The following CNTN5 variants were observed in gnomAD, a reference collection of about 807,000 sequenced individuals.
The protein encoded by CNTN5 is contactin-5.
Under a neutral mutation model 129.1 loss-of-function variants are expected in CNTN5, and 77 were observed. The observed-to-expected ratio is 0.60, with a 90% confidence interval of 0.50 to 0.72. CNTN5 has a LOEUF of 0.72. CNTN5 is among the 30% of genes least tolerant of loss of function. The pLI, the probability that CNTN5 is intolerant of heterozygous loss-of-function variation, is 0.00. For synonymous variants in CNTN5, 509 were observed against 465.6 expected, an observed-to-expected ratio of 1.09 and a Z score of -1.20; for missense variants, 1,478 against 1,328.8, an observed-to-expected ratio of 1.11 and a Z score of -1.75.
chr11:99,033,336 T>C (rs1863506137), intron 1 of CNTN5, among the ~76,000 whole-genome samples: 1 of 152,188 alleles, frequency 6.6e-6, no homozygotes, highest in African/African-American at 2.4e-5. Flanking sequence ...GGAGTGGCAT[T>C]GAATCTGTAA....
chr11:100,204,295 C>A (rs1357339665), intron 15 of CNTN5, among the ~76,000 whole-genome samples: 1 of 27,708 alleles, frequency 3.6e-5, no homozygotes, highest in Non-Finnish European at 8.3e-5. Flanking sequence ...CAAACATTGA[C>A]TAATATATAT....
chr11:99,450,390 G>A (rs1214987310), intron 2 of CNTN5, among the ~76,000 whole-genome samples: 7 of 151,886 alleles, frequency 4.6e-5, no homozygotes, highest in African/African-American at 1.7e-4. Context: ...GCCCAGTAAT[G>A]TTCTATAAAG....
chr11:99,147,674 A>C (rs58945073), intron 1 of CNTN5, among the ~76,000 whole-genome samples: 6,058 of 152,242 alleles, frequency 0.04, 416 homozygotes, highest in African/African-American at 0.14. Flanking sequence ...TGAGCTGCTG[A>C]TTGTGATTAT....
At chr11:99,950,626 C>G (rs1192962659) in intron 7 of CNTN5, among the ~76,000 whole-genome samples, 1 of 152,140 alleles carries the variant, frequency 6.6e-6, no homozygotes, top group African/African-American at 2.4e-5. Flanking sequence ...GAAATTAAAT[C>G]CAATTGTACG....
chr11:99,965,720 A>C lies in CNTN5; in HGVS notation c.877+8711A>C, dbSNP rs573030776. ...GTTCAATTCCTGGATATCCTTGTTA[A>C]CTTTCTGTCTCGTTGATCTGTCTAA... On this transcript the variant is annotated intron_variant, in intron 8 of 24. Transcript: ENST00000524871. Among the ~76,000 whole-genome samples the C allele has an allele frequency of 1.1e-3, 162 of 151,662 alleles. 1 individual carries two copies. Among genetic ancestry groups the C allele is most frequent in the Non-Finnish European group, 2.0e-3 (139 of 67,902 alleles).
chr11:99,107,788 G>A (rs1004484919), intron 1 of CNTN5, among the ~76,000 whole-genome samples: 6 of 151,596 alleles, frequency 4.0e-5, no homozygotes, highest in South Asian at 2.1e-4. Flanking sequence ...AAAATTAGCC[G>A]GGCATGGTGG....
At chr11:99,179,064 A>G (rs1394632860) in intron 1 of CNTN5, among the ~76,000 whole-genome samples, 1 of 152,220 alleles carries the variant, frequency 6.6e-6, no homozygotes, top group Non-Finnish European at 1.5e-5. Context: ...GTGCCTTTAT[A>G]TATTAAGCAT....
chr11:99,588,120 G>A (rs924441445), intron 3 of CNTN5, among the ~76,000 whole-genome samples: 4 of 152,092 alleles, frequency 2.6e-5, no homozygotes, highest in Admixed American at 1.3e-4. Flanking sequence ...GAGGCGGGCG[G>A]ATCACGATGT....
At chr11:99,746,786 G>A (rs1031587246) in intron 3 of CNTN5, among the ~76,000 whole-genome samples, 1 of 152,302 alleles carries the variant, frequency 6.6e-6, no homozygotes, top group South Asian at 2.1e-4. Flanking sequence ...TGGTCTACAT[G>A]ACTGTTTCTG....
intron 6 of CNTN5, among the ~76,000 whole-genome samples, chr11:99,868,280 A>T (rs540032052): frequency 6.6e-6 from 1 of 152,252 alleles, no homozygotes; most frequent in South Asian, 2.1e-4. Flanking sequence ...AGCATTGTAT[A>T]AGAAAATATG....
chr11:99,428,595 C>A (rs954054887), intron 2 of CNTN5, among the ~76,000 whole-genome samples: 1 of 148,356 alleles, frequency 6.7e-6, no homozygotes, highest in African/African-American at 2.5e-5. Context: ...AAAGATGTTT[C>A]TTTAATATAT....
intron 3 of CNTN5, among the ~76,000 whole-genome samples, chr11:99,600,042 AG>A (rs1175995851): frequency 6.6e-6 from 1 of 152,208 alleles, no homozygotes; most frequent in African/African-American, 2.4e-5. Context: ...AATGAGTTTA[AG>A]GGTACAAACA....
intron 18 of CNTN5, among the ~76,000 whole-genome samples, chr11:100,294,120 G>A (rs977451680): frequency 7.3e-5 from 11 of 151,494 alleles, no homozygotes; most frequent in African/African-American, 2.4e-4. Context: ...CCCAGGTCTC[G>A]AAAAGAGCTG....
At chr11:99,962,942 T>C (rs1166864762) in intron 8 of CNTN5, among the ~76,000 whole-genome samples, 1 of 150,904 alleles carries the variant, frequency 6.6e-6, no homozygotes, top group South Asian at 2.1e-4. Flanking sequence ...GTTTTTTGGC[T>C]GTATAAATGT....
intron 8 of CNTN5, among the ~76,000 whole-genome samples, chr11:99,990,899 A>G (rs1437117598): frequency 1.3e-5 from 2 of 152,186 alleles, no homozygotes; most frequent in African/African-American, 4.8e-5. Flanking sequence ...CTCATTATGT[A>G]TGAGACAACT....
chr11:99,265,683 C>A (rs916042489), intron 1 of CNTN5, among the ~76,000 whole-genome samples: 4 of 151,952 alleles, frequency 2.6e-5, no homozygotes, highest in Admixed American at 6.6e-5. Flanking sequence ...TCCCACCCAA[C>A]TCATATTTAT....
At chr11:99,991,946 TA>T (rs1252879623) in intron 8 of CNTN5, among the ~76,000 whole-genome samples, 1 of 152,204 alleles carries the variant, frequency 6.6e-6, no homozygotes, top group Non-Finnish European at 1.5e-5. Flanking sequence ...AGATAAAACC[TA>T]TTCAGGAATA....
At chr11:99,885,734 TAAAG>T (rs1948885183) in intron 6 of CNTN5, among the ~76,000 whole-genome samples, 1 of 151,920 alleles carries the variant, frequency 6.6e-6, no homozygotes, top group East Asian at 1.9e-4. Context: ...TGGTGAGTAA[TAAAG>T]AGATAAGACA....
intron 1 of CNTN5, among the ~76,000 whole-genome samples, chr11:99,141,162 C>T (rs1859495936): frequency 6.6e-6 from 1 of 151,934 alleles, no homozygotes; most frequent in African/African-American, 2.4e-5. Flanking sequence ...ATGATTAATT[C>T]AGTTTTGGAT....
Sources: allele counts gnomAD v4.1 joint callset (sites outside exome capture counted in the v4.1 genomes callset), GRCh38; gene constraint gnomAD v4.1.1; transcripts MANE v1.5; gene names NCBI Gene and HGNC (gene_info 2026-07-23, HGNC 2026-07-21).